ARHGEF33: variants seen among roughly 807,000 people sequenced by gnomAD.
ARHGEF33 encodes Rho guanine nucleotide exchange factor 33.
Under a neutral mutation model 101.9 loss-of-function variants are expected in ARHGEF33, and 72 were observed. The observed-to-expected ratio is 0.71, with a 90% CI of 0.58 to 0.86. The LOEUF is 0.86. ARHGEF33 is among the 40% of genes least tolerant of loss of function. The probability of loss-of-function intolerance (pLI) is 0.00; values close to 1 mark genes in which losing one functional copy is unlikely to be tolerated. For missense variants in ARHGEF33, 1,169 were observed against 1,111.3 expected, an observed-to-expected ratio of 1.05 and a Z score of -0.74; for synonymous variants, 499 against 442.5, an observed-to-expected ratio of 1.13 and a Z score of -1.60.
chr2:38,946,953 G>A (rs563738185), intron 10 of ARHGEF33, among the ~76,000 whole-genome samples: 1 of 152,286 alleles, frequency 6.6e-6, no homozygotes, highest in African/African-American at 2.4e-5. Context: ...TAGACCAGCT[G>A]AAGGAAATAC....
At chr2:38,967,936 CTTTTTT>C (rs397871559) in intron 17 of ARHGEF33, among the ~76,000 whole-genome samples, 6 of 96,366 alleles carry the variant, frequency 6.2e-5, no homozygotes, top group African/African-American at 1.6e-4. Flanking sequence ...TTGAGCCTAT[CTTTTTT>C]TTTTTTTTTT....
chr2:38,905,304 G>C (rs1305124861), intron 2 of ARHGEF33, among the ~76,000 whole-genome samples: 1 of 152,170 alleles, frequency 6.6e-6, no homozygotes, highest in Non-Finnish European at 1.5e-5. Context: ...CATAATTTCA[G>C]TTTAGGGTAA....
chr2:38,951,635 A>G, intron 11 of ARHGEF33, among the ~76,000 whole-genome samples: 1 of 151,970 alleles, frequency 6.6e-6, no homozygotes, highest in South Asian at 2.1e-4. Flanking sequence ...ATACATTAAA[A>G]CATGTATATA....
At chr2:38,914,239 AG>A (rs1666580853) in intron 2 of ARHGEF33, among the ~76,000 whole-genome samples, 1 of 152,244 alleles carries the variant, frequency 6.6e-6, no homozygotes, top group African/African-American at 2.4e-5. Flanking sequence ...CCAACATGTA[AG>A]GCTCTATGTA....
chr2:38,944,438 T>C (rs947699671), intron 10 of ARHGEF33, among the ~76,000 whole-genome samples: 1 of 152,158 alleles, frequency 6.6e-6, no homozygotes, highest in African/African-American at 2.4e-5. Flanking sequence ...AATCCATTCA[T>C]AGTGCGGAGC....
chr2:38,896,388 T>C (rs1666123022), intron 2 of ARHGEF33, among the ~76,000 whole-genome samples: 3 of 152,248 alleles, frequency 2.0e-5, no homozygotes, highest in African/African-American at 7.2e-5. Flanking sequence ...TCTACCTGCC[T>C]TGGCCTCCGA....
intron 2 of ARHGEF33, among the ~76,000 whole-genome samples, chr2:38,899,159 C>T (rs948576885): frequency 6.6e-6 from 1 of 151,830 alleles, no homozygotes; most frequent in Non-Finnish European, 1.5e-5. Flanking sequence ...GTGTTGAGTG[C>T]CCACTGTGAA....
In ARHGEF33 at chr2:38,973,772, C is replaced by T. The variant is rs1048859423; in HGVS notation, c.2542C>T (p.Pro848Ser). ...TNENPSMDPSPTKQDFFRNRL... is the reference protein window; with the variant it reads ...TNENPSMDPSSTKQDFFRNRL... Reference sequence around the variant, plus strand: ...TGAGAATCCCTCAATGGATCCTTCACCCACCAAACAAGATTTCTTCAGAAA... The same window carrying T: ...TGAGAATCCCTCAATGGATCCTTCATCCACCAAACAAGATTTCTTCAGAAA... Residue 848 changes from proline to serine, a missense_variant, in exon 18 of 18, where the codon CCC (proline) becomes TCC (serine). Pro to Ser is a moderately conservative substitution (Grantham distance 74). Transcript: ENST00000409978. The T allele has an allele frequency of 5.8e-6, 9 of 1,548,936 alleles. No homozygotes were observed. Among genetic ancestry groups the T allele is most frequent in the African/African-American group, 4.1e-5 (3 of 72,940 alleles).
chr2:38,903,379 C>G (rs2124981284), intron 2 of ARHGEF33, among the ~76,000 whole-genome samples: 1 of 151,552 alleles, frequency 6.6e-6, no homozygotes, highest in South Asian at 2.1e-4. Flanking sequence ...GTTAAAGATG[C>G]AAGGACTAGG....
chr2:38,975,305 C>G lies in ARHGEF33; in HGVS notation c.*1462C>G, dbSNP rs1421894870. On this transcript the variant is annotated 3_prime_UTR_variant, in exon 18 of 18. Coordinates refer to ENST00000409978, the MANE Select transcript of ARHGEF33 (RefSeq NM_001145451.5). ...TAAGTTTAAGCCAAGATTTTTGTTTCCCAGAAGTTTATGAATTCATTTGAA... is the reference window on the plus strand; with the variant it reads ...TAAGTTTAAGCCAAGATTTTTGTTTGCCAGAAGTTTATGAATTCATTTGAA... 1 of 152,134 alleles carries G rather than the reference C, an allele frequency of 6.6e-6. No individual in the cohort carries two copies. Among genetic ancestry groups the G allele is most frequent in the African/African-American group, 2.4e-5 (1 of 41,430 alleles). 9.4% of individuals were successfully genotyped at this position (152,134 alleles called of 1,614,324 possible).
At chr2:38,897,047 C>G (rs1019125410) in intron 2 of ARHGEF33, among the ~76,000 whole-genome samples, 28 of 152,188 alleles carry the variant, frequency 1.8e-4, no homozygotes, top group Admixed American at 6.5e-5. Context: ...TCCCGAGTAG[C>G]TGGGACTATA....
In ARHGEF33 at chr2:38,965,986, T is replaced by A; in HGVS notation, c.2344-20T>A. On this transcript the variant is annotated intron_variant, in intron 16 of 17. Transcript: ENST00000409978. The stretch of plus-strand genomic sequence containing the variant: ...ACATTGGAAGGAGTAAAGAAAAAAA[T>A]CCCTCTTTTTTGTTTCCAGGAGATG... 1 of 1,549,648 alleles carries A rather than the reference T, an allele frequency of 6.5e-7. No homozygotes were observed. Among genetic ancestry groups the A allele is most frequent in the Non-Finnish European group, 8.7e-7 (1 of 1,146,204 alleles).
chr2:38,915,115 G>A (rs1038381551), intron 2 of ARHGEF33, among the ~76,000 whole-genome samples: 2 of 152,058 alleles, frequency 1.3e-5, no homozygotes, highest in African/African-American at 4.8e-5. Context: ...GCCACCCAAA[G>A]TGCTGGGATT....
At chr2:38,958,236 C>G (rs1341719199) in intron 15 of ARHGEF33, 38 bp downstream of exon 15, 2 of 1,548,512 alleles carry the variant, frequency 1.3e-6, no homozygotes, top group African/African-American at 1.4e-5. Flanking sequence ...AATGCCAATG[C>G]CTTTGGGACC....
chr2:38,906,334 C>G (rs1253361155), intron 2 of ARHGEF33, among the ~76,000 whole-genome samples: 2 of 152,084 alleles, frequency 1.3e-5, no homozygotes, highest in African/African-American at 2.4e-5. Context: ...CCTGTCCCAA[C>G]TTGTTCCAAA....
intron 2 of ARHGEF33, among the ~76,000 whole-genome samples, chr2:38,911,484 A>G (rs1190931048): frequency 6.6e-6 from 1 of 152,186 alleles, no homozygotes; most frequent in Admixed American, 6.5e-5. Context: ...CAGTTTTTGT[A>G]GTCTTATGTG....
At chr2:38,910,448 C>A (rs925902427) in intron 2 of ARHGEF33, among the ~76,000 whole-genome samples, 4 of 152,300 alleles carry the variant, frequency 2.6e-5, no homozygotes, top group African/African-American at 9.6e-5. Context: ...CGGCTTGTGC[C>A]TGTAGTCCCA....
chr2:38,895,489 C>T (rs557616207), intron 1 of ARHGEF33, among the ~76,000 whole-genome samples: 2 of 152,118 alleles, frequency 1.3e-5, no homozygotes, highest in Non-Finnish European at 2.9e-5. Context: ...AGTTCTCGAG[C>T]TATGTTTTTA....
intron 2 of ARHGEF33, among the ~76,000 whole-genome samples, chr2:38,902,149 A>T (rs192325842): frequency 1.3e-5 from 2 of 151,874 alleles, no homozygotes; most frequent in Non-Finnish European, 2.9e-5. Context: ...AAAAAAAAAA[A>T]AAAGAAAAAC....
Sources: allele counts gnomAD v4.1 joint callset (sites outside exome capture counted in the v4.1 genomes callset), GRCh38; gene constraint gnomAD v4.1.1; transcripts MANE v1.5; gene names NCBI Gene and HGNC (gene_info 2026-07-23, HGNC 2026-07-21).